The following ITGBL1 variants were observed in gnomAD, a reference collection of about 807,000 sequenced individuals.
ITGBL1 encodes integrin subunit beta like 1.
ITGBL1 carries 51 observed loss-of-function variants against 68.5 expected under a neutral mutation model. That is an observed-to-expected ratio of 0.74 (90% CI 0.59 to 0.94). The LOEUF (loss-of-function observed/expected upper bound fraction) is 0.94, where lower values mean the gene tolerates loss of function less well. Ranked by LOEUF, ITGBL1 falls within the 40% of genes least tolerant of loss-of-function variation. The probability of loss-of-function intolerance (pLI) is 0.00; values close to 1 mark genes in which losing one functional copy is unlikely to be tolerated. For synonymous variants in ITGBL1, 209 were observed against 227.3 expected (o/e 0.92, Z 0.72); for missense variants, 649 against 647.4 (o/e 1.00, Z -0.03).
chr13:101,709,129 G>T (rs141090158), intron 9 of ITGBL1, among the ~76,000 whole-genome samples: 1,691 of 152,082 alleles, frequency 0.011, 39 homozygotes, highest in African/African-American at 0.039. Context: ...ACTTTGGGAG[G>T]CCGAGGCGGG....
chr13:101,679,264 A>C (rs947557322), intron 7 of ITGBL1, among the ~76,000 whole-genome samples: 14 of 152,128 alleles, frequency 9.2e-5, no homozygotes, highest in African/African-American at 3.1e-4. Flanking sequence ...ACTTTCTTTC[A>C]CTGGTGCATG....
downstream of ITGBL1, chr13:101,720,848 T>C (rs981360720): frequency 6.6e-6 from 1 of 152,154 alleles, no homozygotes; most frequent in Admixed American, 6.6e-5. Context: ...ATAAATCTAC[T>C]CAAACGTTCT....
chr13:101,641,853 A>G (rs373066649), intron 7 of ITGBL1, among the ~76,000 whole-genome samples: 1 of 150,950 alleles, frequency 6.6e-6, no homozygotes, highest in East Asian at 1.9e-4. Context: ...GAGAATGATG[A>G]TTTCCAATTT....
intron 7 of ITGBL1, 147 bp from the exon 8 acceptor site, chr13:101,692,438 T>G: frequency 1.7e-6 from 1 of 596,680 alleles, no homozygotes; most frequent in East Asian, 2.8e-5. Context: ...CTTAGGGAGG[T>G]TGGAAATGTG....
intron 2 of ITGBL1, among the ~76,000 whole-genome samples, chr13:101,565,968 G>A (rs2050177449): frequency 6.6e-6 from 1 of 151,948 alleles, no homozygotes; most frequent in Non-Finnish European, 1.5e-5. Context: ...TTAAAAAGAT[G>A]TTCCTTTGAC....
intron 7 of ITGBL1, among the ~76,000 whole-genome samples, chr13:101,637,407 G>A (rs984463125): frequency 1.3e-5 from 2 of 148,230 alleles, no homozygotes; most frequent in East Asian, 2.0e-4. Flanking sequence ...GCAGTGGTGC[G>A]ATCTGGGCTC....
intron 3 of ITGBL1, among the ~76,000 whole-genome samples, chr13:101,569,999 A>G (rs115429832): frequency 1.4e-3 from 210 of 152,272 alleles, no homozygotes; most frequent in African/African-American, 4.6e-3. Context: ...GCTGATGACA[A>G]TCACCTGACA....
chr13:101,634,845 A>G (rs1239662916), intron 7 of ITGBL1, among the ~76,000 whole-genome samples: 1 of 152,040 alleles, frequency 6.6e-6, no homozygotes, highest in Non-Finnish European at 1.5e-5. Flanking sequence ...TGCAAGAGGA[A>G]GGGGTGAATG....
At chr13:101,620,780 C>T (rs573896992) in intron 7 of ITGBL1, among the ~76,000 whole-genome samples, 32 of 152,224 alleles carry the variant, frequency 2.1e-4, no homozygotes, top group African/African-American at 7.2e-4. Context: ...ATTTAAAACA[C>T]GTATGTCATC....
chr13:101,607,531 T>C (rs929002854), intron 7 of ITGBL1, among the ~76,000 whole-genome samples: 2 of 152,026 alleles, frequency 1.3e-5, no homozygotes, highest in African/African-American at 4.8e-5. Flanking sequence ...AAGTTCTAAA[T>C]GCCATAATTT....
intron 2 of ITGBL1, among the ~76,000 whole-genome samples, chr13:101,459,465 G>T (rs1275949119): frequency 1.3e-5 from 2 of 152,158 alleles, no homozygotes; most frequent in Admixed American, 1.3e-4. Context: ...TCCTTAGCTG[G>T]GTGTGGTGGC....
intron 2 of ITGBL1, among the ~76,000 whole-genome samples, chr13:101,531,370 A>C (rs187560447): frequency 8.7e-4 from 132 of 152,296 alleles, no homozygotes; most frequent in Admixed American, 1.4e-3. Context: ...AATCATTAAT[A>C]TTCATTCACT....
At chr13:101,685,705 T>A (rs1240736534) in intron 7 of ITGBL1, among the ~76,000 whole-genome samples, 1 of 152,064 alleles carries the variant, frequency 6.6e-6, no homozygotes, top group Non-Finnish European at 1.5e-5. Flanking sequence ...AGTGATATAT[T>A]TGAGAGTGTT....
chr13:101,514,204 G>T (rs568948021), intron 2 of ITGBL1, among the ~76,000 whole-genome samples: 2 of 152,096 alleles, frequency 1.3e-5, no homozygotes, highest in Admixed American at 6.6e-5. Flanking sequence ...TGTGTTGGCT[G>T]GTGTATGCTA....
intron 2 of ITGBL1, among the ~76,000 whole-genome samples, chr13:101,560,210 A>AT (rs1257894290): frequency 1.3e-5 from 2 of 152,206 alleles, no homozygotes; most frequent in Non-Finnish European, 1.5e-5. Context: ...AGGCTTAGGA[A>AT]TCTATGGTGG....
At chr13:101,509,398 T>A (rs2049079172) in intron 2 of ITGBL1, among the ~76,000 whole-genome samples, 1 of 152,194 alleles carries the variant, frequency 6.6e-6, no homozygotes, top group Non-Finnish European at 1.5e-5. Context: ...TAGTCTTTTA[T>A]ATCTGTTTAT....
intron 7 of ITGBL1, among the ~76,000 whole-genome samples, chr13:101,634,849 G>T (rs1485533331): frequency 6.6e-6 from 1 of 151,990 alleles, no homozygotes; most frequent in Admixed American, 6.6e-5. Flanking sequence ...AGAGGAAGGG[G>T]TGAATGAAAA....
chr13:101,598,270 G>C lies in ITGBL1; in HGVS notation c.986G>C (p.Gly329Ala). Residue 329 changes from glycine to alanine, a missense_variant, in exon 7 of 11, where the codon GGA (glycine) becomes GCA (alanine). Coordinates refer to ENST00000376180, the MANE Select transcript of ITGBL1 (RefSeq NM_004791.3). Reference protein sequence around the residue: ...SAEESIRKCQGSSDLPCSGRG... With the variant: ...SAEESIRKCQASSDLPCSGRG... ...GAGGAGAGCATCAGGAAGTGCCAGG[G>C]AAGCTCGGATCTGCCTTGCTCTGGG... The C allele has an allele frequency of 6.2e-7, 1 of 1,613,216 alleles. No homozygotes were observed. The highest frequency in any genetic ancestry group is 8.5e-7 in the Non-Finnish European group (1 of 1,179,676).
chr13:101,636,382 A>G lies in ITGBL1; in HGVS notation c.1015+38083A>G, dbSNP rs982130321. Among the ~76,000 whole-genome samples the G allele has an allele frequency of 6.6e-5, 10 of 152,224 alleles. No individual in the cohort carries two copies. The East Asian group carries it at 1.9e-3, about 29-fold the overall frequency. ...CTTAATTTATCATTTAATCATAATC[A>G]TTTTCAATCTGAACAAATCAGAAAC... On this transcript the variant is annotated intron_variant, in intron 7 of 10. Transcript: ENST00000376180.
Sources: allele counts gnomAD v4.1 joint callset (sites outside exome capture counted in the v4.1 genomes callset), GRCh38; gene constraint gnomAD v4.1.1; transcripts MANE v1.5; gene names NCBI Gene and HGNC (gene_info 2026-07-23, HGNC 2026-07-21).